The following ADCY2 variants were observed in gnomAD, a reference collection of about 807,000 sequenced individuals.
ADCY2 encodes adenylate cyclase 2, also known as adenylate cyclase type 2.
Under a neutral mutation model 125.2 loss-of-function variants are expected in ADCY2, and 31 were observed. The observed-to-expected ratio is 0.25, with a 90% CI of 0.19 to 0.33. The LOEUF (loss-of-function observed/expected upper bound fraction) is 0.33. Ranked by LOEUF, ADCY2 falls within the 10% of genes least tolerant of loss-of-function variation. The probability of loss-of-function intolerance (pLI) is 1.00; values close to 1 mark genes in which losing one functional copy is unlikely to be tolerated. For missense variants in ADCY2, 904 were observed against 1,418.2 expected, an observed-to-expected ratio of 0.64 and a Z score of 5.82; for synonymous variants, 512 against 548.4, an observed-to-expected ratio of 0.93 and a Z score of 0.93.
chr5:7,401,566 A>T (rs1452086550), intron 1 of ADCY2, among the ~76,000 whole-genome samples: 2 of 152,242 alleles, frequency 1.3e-5, no homozygotes, highest in African/African-American at 4.8e-5. Flanking sequence ...GGAATTCAGT[A>T]GAGATGCTTC....
chr5:7,739,485 A>G (rs149751138), intron 14 of ADCY2, among the ~76,000 whole-genome samples: 8 of 151,996 alleles, frequency 5.3e-5, no homozygotes, highest in Admixed American at 3.3e-4. Flanking sequence ...TTAAAAATCA[A>G]TTGTCCAAAT....
At chr5:7,413,149 T>A (rs549289532) in intron 1 of ADCY2, among the ~76,000 whole-genome samples, 1 of 152,308 alleles carries the variant, frequency 6.6e-6, no homozygotes, top group South Asian at 2.1e-4. Flanking sequence ...CTTCGTTGCT[T>A]GGTATTTGCA....
chr5:7,819,307 T>C (rs1050025521), intron 23 of ADCY2, among the ~76,000 whole-genome samples: 2 of 152,202 alleles, frequency 1.3e-5, no homozygotes, highest in African/African-American at 4.8e-5. Flanking sequence ...CATTTAGTAT[T>C]AACTATCGCA....
intron 3 of ADCY2, among the ~76,000 whole-genome samples, chr5:7,528,941 A>C (rs1465773085): frequency 1.3e-5 from 2 of 152,202 alleles, no homozygotes; most frequent in African/African-American, 4.8e-5. Context: ...CAGCATCCCC[A>C]ATGAGAGTCA....
At chr5:7,582,425 G>A (rs1561108165) in intron 3 of ADCY2, among the ~76,000 whole-genome samples, 1 of 151,852 alleles carries the variant, frequency 6.6e-6, no homozygotes, top group Non-Finnish European at 1.5e-5. Flanking sequence ...CATTTTATGA[G>A]GCCAGAATAA....
intron 4 of ADCY2, among the ~76,000 whole-genome samples, chr5:7,665,323 T>C (rs542529613): frequency 6.6e-6 from 1 of 152,256 alleles, no homozygotes; most frequent in South Asian, 2.1e-4. Context: ...TCCACCAAGA[T>C]AGCTTCCCAG....
intron 4 of ADCY2, among the ~76,000 whole-genome samples, chr5:7,686,935 C>T (rs1476349904): frequency 6.6e-6 from 1 of 152,124 alleles, no homozygotes; most frequent in African/African-American, 2.4e-5. Context: ...CTGTGATCAC[C>T]TAGAGGGCAT....
rs35601967 is a variant in ADCY2 at position 7,522,739 on chromosome 5, TAAAAAAA to T, written c.570+1871_570+1877del. 1.5e-3 allele frequency: 182 copies of T among 122,544 alleles called. 2 individuals are homozygous for T. Among genetic ancestry groups the T allele is most frequent in the African/African-American group, 6.4e-3 (163 of 25,640 alleles). 7.6% of individuals were successfully genotyped at this position (122,544 alleles called of 1,614,324 possible). ...AACACGGTGAAACCCCATCTCTACT[TAAAAAAA>T]AAAAAAAAAAAAAAAAAAAAAAAAA... On this transcript the variant is annotated intron_variant, in intron 3 of 24. Coordinates refer to ENST00000338316, the MANE Select transcript of ADCY2 (RefSeq NM_020546.3).
rs1741358264 is a variant in ADCY2 at position 7,709,104 on chromosome 5, T to A, written c.1402-107T>A. 1.8e-6 allele frequency: 2 copies of A among 1,138,698 alleles called. No homozygotes were observed. The highest frequency in any genetic ancestry group is 6.0e-5 in the Admixed American group (2 of 33,384). 70.5% of individuals were successfully genotyped at this position (1,138,698 alleles called of 1,614,324 possible). A position where few individuals can be genotyped will look rare whatever the true frequency, so the allele number is the denominator to read the frequency against. On this transcript the variant is annotated intron_variant, in intron 9 of 24. Coordinates refer to ENST00000338316, the MANE Select transcript of ADCY2 (RefSeq NM_020546.3). This position sits in a 1 kb window ranked among gnomAD's most constrained non-coding sequence, Gnocchi z 4.4. ...AAGGACAGAAAACACAGAGGGCGAA[T>A]AGAGGGCTGTCAGGAGGAATGACCC... is the stretch of plus-strand genomic sequence containing the variant.
At chr5:7,789,996 G>T (rs1744202771) in intron 20 of ADCY2, among the ~76,000 whole-genome samples, 196 bp downstream of exon 20, 1 of 152,238 alleles carries the variant, frequency 6.6e-6, no homozygotes, top group African/African-American at 2.4e-5. Flanking sequence ...GTTGAGAATA[G>T]TGGGTTAGAA....
At chr5:7,420,941 A>G (rs543541710) in intron 2 of ADCY2, among the ~76,000 whole-genome samples, 8 of 152,228 alleles carry the variant, frequency 5.3e-5, no homozygotes, top group African/African-American at 1.4e-4. Flanking sequence ...GCAGAGGAGT[A>G]TGTTTTCTCT....
chr5:7,450,803 G>C (rs1303777094), intron 2 of ADCY2, among the ~76,000 whole-genome samples: 1 of 152,030 alleles, frequency 6.6e-6, no homozygotes, highest in Non-Finnish European at 1.5e-5. Flanking sequence ...AAATCCAAGA[G>C]CCCTTAAAAA....
chr5:7,792,887 A>C (rs1167851935), intron 20 of ADCY2, among the ~76,000 whole-genome samples: 1 of 152,220 alleles, frequency 6.6e-6, no homozygotes, highest in African/African-American at 2.4e-5. Flanking sequence ...GGACATCTGC[A>C]TGGTGCCTTC....
intron 3 of ADCY2, among the ~76,000 whole-genome samples, chr5:7,543,085 C>T (rs1399224607): frequency 6.6e-6 from 1 of 152,158 alleles, no homozygotes; most frequent in Admixed American, 6.5e-5. Flanking sequence ...ATCATTAATA[C>T]ATCCTATGTT....
At chr5:7,710,219 G>A (rs1741396939) in intron 10 of ADCY2, among the ~76,000 whole-genome samples, 1 of 152,128 alleles carries the variant, frequency 6.6e-6, no homozygotes. Flanking sequence ...AACAGGCAGG[G>A]GCTCAGCATT....
chr5:7,507,458 A>T (rs1743879048), intron 2 of ADCY2, among the ~76,000 whole-genome samples: 1 of 148,920 alleles, frequency 6.7e-6, no homozygotes, highest in Non-Finnish European at 1.5e-5. Context: ...AAAAAAAAAA[A>T]AAAGGTAACA....
At chr5:7,601,467 G>A (rs1253226842) in intron 3 of ADCY2, among the ~76,000 whole-genome samples, 1 of 152,148 alleles carries the variant, frequency 6.6e-6, no homozygotes, top group African/African-American at 2.4e-5. Flanking sequence ...CTTTTGTACA[G>A]ACTCTAGAAG....
intron 2 of ADCY2, 68 bp downstream of exon 2, chr5:7,414,838 C>A: frequency 7.2e-7 from 1 of 1,398,442 alleles, no homozygotes; most frequent in Non-Finnish European, 9.6e-7. Flanking sequence ...GTTCTGTAAA[C>A]AACTTGGCCT....
At chr5:7,777,636 C>T (rs1456695989) in intron 18 of ADCY2, among the ~76,000 whole-genome samples, 1 of 152,220 alleles carries the variant, frequency 6.6e-6, no homozygotes, top group Non-Finnish European at 1.5e-5. Context: ...GTACTTTGTC[C>T]TGCATGTGAC....
Sources: gnomAD v4.1 joint callset for allele counts (sites outside exome capture counted in the v4.1 genomes callset) on GRCh38, gnomAD v4.1.1 for gene constraint, Gnocchi (gnomAD v3.1) non-coding constraint, MANE v1.5 for transcripts, NCBI Gene and HGNC (gene_info 2026-07-23, HGNC 2026-07-21) for gene names.